The following ARB2A variants were observed in gnomAD, a reference collection of about 807,000 sequenced individuals.
ARB2A encodes cotranscriptional regulator ARB2A.
chr5:93,741,434 C>T, the ARB2A span: 6 of 1,613,504 alleles, frequency 3.7e-6, no homozygotes, highest in Non-Finnish European at 5.1e-6. Flanking sequence ...CAGACCATCA[C>T]CCTGCCAGGG....
At chr5:93,796,559 T>C in the ARB2A span, among the ~76,000 whole-genome samples, 3 of 152,168 alleles carry the variant, frequency 2.0e-5, no homozygotes, top group African/African-American at 4.8e-5. Context: ...TTCTATATTG[T>C]TTGAAAATAT....
the ARB2A span, among the ~76,000 whole-genome samples, chr5:93,898,855 T>A: frequency 1.3e-5 from 2 of 152,094 alleles, no homozygotes; most frequent in Non-Finnish European, 2.9e-5. Context: ...CCATGTGACA[T>A]GTACATAAAG....
At chr5:94,055,308 C>T in the ARB2A span, among the ~76,000 whole-genome samples, 4 of 152,252 alleles carry the variant, frequency 2.6e-5, no homozygotes, top group African/African-American at 9.6e-5. Flanking sequence ...AGTCCCTTTC[C>T]TACAAAAGAA....
chr5:93,854,580 C>T, the ARB2A span, among the ~76,000 whole-genome samples: 1 of 152,174 alleles, frequency 6.6e-6, no homozygotes, highest in Non-Finnish European at 1.5e-5. Context: ...CCTGCTTTCT[C>T]TTCTGGGCAT....
the ARB2A span, among the ~76,000 whole-genome samples, chr5:94,110,352 T>A: frequency 6.6e-6 from 1 of 152,212 alleles, no homozygotes; most frequent in Non-Finnish European, 1.5e-5. Flanking sequence ...CAGTAAATAC[T>A]TGCTAAATGG....
chr5:93,646,317 TTC>T, the ARB2A span, among the ~76,000 whole-genome samples: 2 of 151,972 alleles, frequency 1.3e-5, no homozygotes, highest in Non-Finnish European at 2.9e-5. Context: ...TAAAAAAAAA[TTC>T]TGTTTTTTTT....
chr5:93,836,280 G>A, the ARB2A span, among the ~76,000 whole-genome samples: 2 of 152,122 alleles, frequency 1.3e-5, no homozygotes, highest in African/African-American at 2.4e-5. Context: ...GCCCACCTCG[G>A]CCTCCCAAAG....
At chr5:93,896,694 T>C in the ARB2A span, among the ~76,000 whole-genome samples, 16 of 152,160 alleles carry the variant, frequency 1.1e-4, 1 homozygote, top group East Asian at 3.1e-3. Context: ...TTAACTAGCA[T>C]TTCAATGACT....
the ARB2A span, among the ~76,000 whole-genome samples, chr5:93,696,642 G>A: frequency 3.9e-5 from 6 of 152,056 alleles, 1 homozygote; most frequent in South Asian, 1.2e-3. Flanking sequence ...TCTTACCATT[G>A]TCTTTGAGAC....
chr5:93,988,984 A>G, the ARB2A span, among the ~76,000 whole-genome samples: 1 of 152,162 alleles, frequency 6.6e-6, no homozygotes, highest in Non-Finnish European at 1.5e-5. Context: ...CTTTCAATAA[A>G]TAAAGATGCT....
chr5:93,755,916 A>T, the ARB2A span, among the ~76,000 whole-genome samples: 640 of 152,346 alleles, frequency 4.2e-3, 5 homozygotes, highest in African/African-American at 0.014. Flanking sequence ...TCCGGTGTGC[A>T]GACTCCACAA....
chr5:93,983,657 C>T, the ARB2A span, among the ~76,000 whole-genome samples: 2 of 152,102 alleles, frequency 1.3e-5, no homozygotes, highest in African/African-American at 4.8e-5. Flanking sequence ...TATCTTCCCC[C>T]AAATTACTTA....
chr5:93,712,013 A>G, the ARB2A span, among the ~76,000 whole-genome samples: 1 of 152,210 alleles, frequency 6.6e-6, no homozygotes, highest in Non-Finnish European at 1.5e-5. Context: ...ACTCCCGCAC[A>G]TTCCTAGCTG....
chr5:94,061,736 A>G, the ARB2A span, among the ~76,000 whole-genome samples: 1 of 152,232 alleles, frequency 6.6e-6, no homozygotes, highest in Non-Finnish European at 1.5e-5. Context: ...TATAAAGCAA[A>G]TAACAGGTAT....
At chr5:93,852,155 G>T in the ARB2A span, among the ~76,000 whole-genome samples, 2 of 152,112 alleles carry the variant, frequency 1.3e-5, no homozygotes, top group African/African-American at 4.8e-5. Context: ...TCTAACTGGT[G>T]TGAGATGGTA....
At chr5:93,760,398 C>G in the ARB2A span, among the ~76,000 whole-genome samples, 3 of 152,068 alleles carry the variant, frequency 2.0e-5, no homozygotes, top group Non-Finnish European at 4.4e-5. Context: ...TTAGAAAAAA[C>G]AATTCTAAAA....
the ARB2A span, among the ~76,000 whole-genome samples, chr5:93,630,026 A>G: frequency 1.3e-5 from 2 of 152,222 alleles, no homozygotes; most frequent in Non-Finnish European, 2.9e-5. Context: ...GCTTACCAGC[A>G]GTTATTTTTA....
chr5:94,103,254 C>T, the ARB2A span, among the ~76,000 whole-genome samples: 5 of 152,006 alleles, frequency 3.3e-5, no homozygotes, highest in East Asian at 7.7e-4. Flanking sequence ...GACCTAACTA[C>T]ATACTATCTT....
the ARB2A span, among the ~76,000 whole-genome samples, chr5:94,030,275 C>T: frequency 3.9e-5 from 6 of 152,222 alleles, no homozygotes; most frequent in Non-Finnish European, 8.8e-5. Context: ...TTCTCTGCTA[C>T]AGGTTTCAGA....
Sources: gnomAD v4.1 joint callset for allele counts (sites outside exome capture counted in the v4.1 genomes callset) on GRCh38, gnomAD v4.1.1 for gene constraint, MANE v1.5 for transcripts, NCBI Gene and HGNC (gene_info 2026-07-23, HGNC 2026-07-21) for gene names.